The following ZNF608 variants were observed in gnomAD, a reference collection of about 807,000 sequenced individuals.
ZNF608 encodes the protein zinc finger protein 608.
ZNF608 carries 12 observed loss-of-function variants against 109.0 expected under a neutral mutation model. That is an observed-to-expected ratio of 0.11 (90% CI 0.07 to 0.18). The LOEUF (loss-of-function observed/expected upper bound fraction) is 0.18, where lower values mean the gene tolerates loss of function less well. ZNF608 is among the 10% of genes least tolerant of loss of function. ZNF608 has a pLI of 1.00. For synonymous variants in ZNF608, 732 were observed against 717.4 expected (o/e 1.02, Z -0.33); for missense variants, 1,707 against 1,879.3 (o/e 0.91, Z 1.70).
intron 2 of ZNF608, among the ~76,000 whole-genome samples, chr5:124,707,618 C>T (rs1323706669): frequency 6.6e-6 from 1 of 152,146 alleles, no homozygotes; most frequent in Admixed American, 6.5e-5. Context: ...TGCCCATAGT[C>T]ACCTCTTCAT....
chr5:124,734,748 G>T (rs1198392053), intron 2 of ZNF608: 1 of 152,130 alleles, frequency 6.6e-6, no homozygotes, highest in Non-Finnish European at 1.5e-5. Flanking sequence ...TTGAATGAAA[G>T]AATTTAAACG....
intron 2 of ZNF608, among the ~76,000 whole-genome samples, chr5:124,727,760 A>G (rs1748680081): frequency 7.6e-6 from 1 of 131,680 alleles, no homozygotes; most frequent in Non-Finnish European, 1.6e-5. Flanking sequence ...TTTTTTTAAG[A>G]CAGAGTTTCA....
In ZNF608 at chr5:124,709,051, ATC is replaced by A. The variant is rs561012947; in HGVS notation, c.907-7784_907-7783del. On this transcript the variant is annotated intron_variant, in intron 2 of 9. Coordinates refer to ENST00000513986, the MANE Select transcript of ZNF608 (RefSeq NM_020747.3). ...GCTGGGCGTGGTAGCGGCTCCTGTA[ATC>A]CCAGCTACTCGGGAGGCTGAGGCAG... is the stretch of plus-strand genomic sequence containing the variant. 9.9e-5 allele frequency among the ~76,000 whole-genome samples: 15 copies of A among 151,888 alleles called. No individual in the cohort carries two copies. The East Asian group carries it at 2.9e-3, about 30-fold the overall frequency.
chr5:124,643,943 G>T lies in ZNF608; in HGVS notation c.4124-260C>A, dbSNP rs552905138. ...ATTTACGTGTCCGCTTAAGTGAAAG[G>T]AATAGTAACTATAATGATTATGACA... On this transcript the variant is annotated intron_variant, in intron 6 of 9. Coordinates refer to ENST00000513986, the MANE Select transcript of ZNF608 (RefSeq NM_020747.3). 3.3e-5 allele frequency among the ~76,000 whole-genome samples: 5 copies of T among 152,274 alleles called. No homozygotes were observed. In the South Asian group the frequency reaches 1.0e-3, roughly 32 times the overall value.
intron 3 of ZNF608, among the ~76,000 whole-genome samples, chr5:124,670,342 T>C (rs1751663938): frequency 1.3e-5 from 2 of 152,084 alleles, no homozygotes; most frequent in African/African-American, 2.4e-5. Flanking sequence ...TCTTTCTTTT[T>C]TTTTTTAATG....
In ZNF608 at chr5:124,648,118, T is replaced by C. The variant is rs757055822; in HGVS notation, c.2266A>G (p.Thr756Ala). 3.1e-6 allele frequency: 5 copies of C among 1,613,994 alleles called. No individual in the cohort carries two copies. Among genetic ancestry groups the C allele is most frequent in the Non-Finnish European group, 4.2e-6 (5 of 1,180,014 alleles). The change falls in exon 5 of 10, where the codon ACC (threonine) becomes GCC (alanine). Residue 756 changes from threonine (T) to alanine (A), a missense_variant. Coordinates refer to ENST00000513986, the MANE Select transcript of ZNF608 (RefSeq NM_020747.3). ...GTCCCAGTGGTGGTCGTTGTAAAGG[T>C]TGCAGTGGGTATAGCGATTAGCTGC... ...PPQLIAIPTATFTTTTTGTIP... is the reference protein window; with the variant it reads ...PPQLIAIPTAAFTTTTTGTIP...
chr5:124,734,602 G>A (rs553360016), intron 2 of ZNF608: 1 of 148,310 alleles, frequency 6.7e-6, no homozygotes. Flanking sequence ...CGCTGAGGGA[G>A]GGTGTGCTCC....
chr5:124,645,678 G>T (rs1561531014), intron 5 of ZNF608, among the ~76,000 whole-genome samples: 1 of 152,130 alleles, frequency 6.6e-6, no homozygotes, highest in Non-Finnish European at 1.5e-5. Flanking sequence ...TAGTACATTT[G>T]TGGTTTCGTG....
chr5:124,713,708 A>AT (rs1753588730), intron 2 of ZNF608, among the ~76,000 whole-genome samples: 1 of 152,210 alleles, frequency 6.6e-6, no homozygotes, highest in Non-Finnish European at 1.5e-5. Context: ...AAATTTGCCA[A>AT]TCCTTGCTCT....
intron 3 of ZNF608, among the ~76,000 whole-genome samples, chr5:124,652,544 A>G (rs528230362): frequency 1.7e-3 from 260 of 152,214 alleles, no homozygotes; most frequent in Non-Finnish European, 2.5e-3. Flanking sequence ...GAATATATAC[A>G]GGCACATGTT....
chr5:124,662,613 G>T (rs758343180), intron 3 of ZNF608, among the ~76,000 whole-genome samples: 1 of 152,328 alleles, frequency 6.6e-6, no homozygotes, highest in South Asian at 2.1e-4. Context: ...AAAGGCTATT[G>T]TTAGTAACTC....
At chr5:124,677,593 A>G (rs1371396664) in intron 3 of ZNF608, among the ~76,000 whole-genome samples, 1 of 152,206 alleles carries the variant, frequency 6.6e-6, no homozygotes, top group African/African-American at 2.4e-5. Flanking sequence ...ATCAAAATTC[A>G]TAGAACAGTG....
chr5:124,647,434 C>T lies in ZNF608; in HGVS notation c.2950G>A (p.Ala984Thr), dbSNP rs1561533116. The T allele has an allele frequency of 6.2e-7, 1 of 1,614,218 alleles. No individual in the cohort carries two copies. Among genetic ancestry groups the T allele is most frequent in the Non-Finnish European group, 8.5e-7 (1 of 1,180,040 alleles). Reference protein sequence around the residue: ...SVVKGHSSTTAQSSQLKESHS... With the variant: ...SVVKGHSSTTTQSSQLKESHS... Reference sequence around the variant, plus strand: ...GACTCTTTCAGTTGAGATGATTGTGCTGTAGTTGAAGAATGCCCTTTTACA... The same window carrying T: ...GACTCTTTCAGTTGAGATGATTGTGTTGTAGTTGAAGAATGCCCTTTTACA... The change falls in exon 5 of 10, where the codon GCA (alanine) becomes ACA (threonine). Residue 984 changes from alanine (A) to threonine (T), a missense_variant. By Grantham distance (58) the Ala-to-Thr change is moderately conservative. Around this residue, in one of 7 missense-constraint regions of ZNF608, gnomAD observed 1,073 missense variants for 1,133.5 expected, o/e 0.95. Transcript: ENST00000513986.
intron 2 of ZNF608, among the ~76,000 whole-genome samples, chr5:124,718,974 CAT>C (rs1452092855): frequency 6.6e-6 from 1 of 152,140 alleles, no homozygotes; most frequent in African/African-American, 2.4e-5. Context: ...AATCTCATTA[CAT>C]ATATGCCATT....
intron 2 of ZNF608, among the ~76,000 whole-genome samples, chr5:124,719,241 A>G (rs925087263): frequency 6.6e-6 from 1 of 152,222 alleles, no homozygotes; most frequent in African/African-American, 2.4e-5. Flanking sequence ...AATGTATGTC[A>G]CAGGCACAGC....
chr5:124,723,574 G>C (rs1754020531), intron 2 of ZNF608, among the ~76,000 whole-genome samples: 1 of 152,116 alleles, frequency 6.6e-6, no homozygotes, highest in Non-Finnish European at 1.5e-5. Flanking sequence ...TGTAATTCCA[G>C]CCACTCGAGA....
intron 3 of ZNF608, among the ~76,000 whole-genome samples, chr5:124,699,579 G>T (rs532147974): frequency 6.6e-6 from 1 of 152,228 alleles, no homozygotes; most frequent in African/African-American, 2.4e-5. Context: ...TCTTTCTTGT[G>T]TATTGTCTTT....
chr5:124,734,474 AC>A (rs1487977225), intron 2 of ZNF608: 2 of 152,120 alleles, frequency 1.3e-5, no homozygotes, highest in Admixed American at 6.6e-5. Context: ...ATACAGAACC[AC>A]CCCGAAGCCC....
chr5:124,644,747 A>G, intron 5 of ZNF608, 86 bp from the exon 6 acceptor site: 1 of 1,106,948 alleles, frequency 9.0e-7, no homozygotes, highest in Non-Finnish European at 1.3e-6. Context: ...TAATCATGAC[A>G]GCACTAGCAC....
Sources: allele counts gnomAD v4.1 joint callset (sites outside exome capture counted in the v4.1 genomes callset), GRCh38; gene constraint gnomAD v4.1.1; regional missense constraint gnomAD v4.1.1; transcripts MANE v1.5; gene names NCBI Gene and HGNC (gene_info 2026-07-23, HGNC 2026-07-21).